The following TBC1D5 variants were observed in gnomAD, a reference collection of about 807,000 sequenced individuals.
TBC1D5 encodes TBC1 domain family, member 5.
A neutral mutation model predicts 100.3 loss-of-function variants in TBC1D5; 75 were observed. The observed-to-expected ratio is 0.75, with a 90% CI of 0.62 to 0.91. The LOEUF is 0.91. Ranked by LOEUF, TBC1D5 falls within the 40% of genes least tolerant of loss-of-function variation. The pLI is 0.00. For synonymous variants in TBC1D5, 323 were observed against 325.6 expected, an observed-to-expected ratio of 0.99 and a Z score of 0.09; for missense variants, 910 against 942.4, an observed-to-expected ratio of 0.97 and a Z score of 0.45.
intron 2 of TBC1D5, among the ~76,000 whole-genome samples, chr3:17,589,520 C>G (rs1238696921): frequency 6.6e-6 from 1 of 152,184 alleles, no homozygotes; most frequent in Admixed American, 6.5e-5. Flanking sequence ...TCTCCCTGCA[C>G]AAGATCTTGA....
At chr3:17,351,355 A>G (rs1299383448) in intron 13 of TBC1D5, among the ~76,000 whole-genome samples, 1 of 152,146 alleles carries the variant, frequency 6.6e-6, no homozygotes, top group Non-Finnish European at 1.5e-5. Flanking sequence ...GTTAGACTGG[A>G]TAAGGAAATG....
intron 19 of TBC1D5, among the ~76,000 whole-genome samples, chr3:17,170,703 G>A (rs2067091012): frequency 6.6e-6 from 1 of 152,102 alleles, no homozygotes; most frequent in East Asian, 1.9e-4. Context: ...ACCCAGAAAT[G>A]TACAGGAACA....
At chr3:17,295,635 CACTT>C (rs2082173154) in intron 14 of TBC1D5, among the ~76,000 whole-genome samples, 1 of 152,216 alleles carries the variant, frequency 6.6e-6, no homozygotes, top group Non-Finnish European at 1.5e-5. Context: ...AAACTAACCA[CACTT>C]ACAATTGTAA....
At chr3:17,693,453 C>A (rs2071482237) in intron 1 of TBC1D5, among the ~76,000 whole-genome samples, 1 of 152,204 alleles carries the variant, frequency 6.6e-6, no homozygotes, top group African/African-American at 2.4e-5. Flanking sequence ...CTCGGTGGTT[C>A]CCACACCCAC....
chr3:17,404,302 T>G (rs1191770697), intron 7 of TBC1D5, among the ~76,000 whole-genome samples: 2 of 152,048 alleles, frequency 1.3e-5, no homozygotes, highest in African/African-American at 4.8e-5. Context: ...TACAAAGGGT[T>G]ACTTCTTTCT....
chr3:17,721,274 T>G (rs1013114286), intron 1 of TBC1D5, among the ~76,000 whole-genome samples: 1 of 152,224 alleles, frequency 6.6e-6, no homozygotes, highest in Non-Finnish European at 1.5e-5. Flanking sequence ...AGTTCTCTGA[T>G]GGCTGTTATC....
At chr3:17,225,404 A>T (rs1576102501) in intron 17 of TBC1D5, among the ~76,000 whole-genome samples, 2 of 144,912 alleles carry the variant, frequency 1.4e-5, no homozygotes, top group South Asian at 2.2e-4. Context: ...GCATCACTGC[A>T]CTCCAGTCTG....
At chr3:17,299,531 T>A (rs1420902546) in intron 14 of TBC1D5, among the ~76,000 whole-genome samples, 1 of 152,106 alleles carries the variant, frequency 6.6e-6, no homozygotes, top group African/African-American at 2.4e-5. Context: ...TGGGCAATAA[T>A]GCTGTATCAA....
chr3:17,495,800 T>C (rs1368617815), intron 3 of TBC1D5, among the ~76,000 whole-genome samples: 1 of 152,236 alleles, frequency 6.6e-6, no homozygotes, highest in East Asian at 1.9e-4. Flanking sequence ...TTTAAAATTC[T>C]GCACCATTAC....
At chr3:17,721,334 T>C (rs915488631) in intron 1 of TBC1D5, among the ~76,000 whole-genome samples, 1 of 152,198 alleles carries the variant, frequency 6.6e-6, no homozygotes, top group South Asian at 2.1e-4. Flanking sequence ...AAAAGTGTAA[T>C]GTCAAGTACA....
chr3:17,176,875 AG>A (rs1409098932), intron 19 of TBC1D5, among the ~76,000 whole-genome samples: 1 of 152,170 alleles, frequency 6.6e-6, no homozygotes, highest in East Asian at 1.9e-4. Context: ...CTGAATTAGA[AG>A]AATAAAGACA....
intron 3 of TBC1D5, among the ~76,000 whole-genome samples, chr3:17,481,844 G>A (rs373774895): frequency 2.6e-5 from 4 of 152,142 alleles, no homozygotes; most frequent in African/African-American, 9.7e-5. Context: ...AGGTTCAAGC[G>A]ATTCTCCTGC....
chr3:17,199,370 T>G (rs1399001219), intron 18 of TBC1D5, among the ~76,000 whole-genome samples: 1 of 152,234 alleles, frequency 6.6e-6, no homozygotes, highest in Non-Finnish European at 1.5e-5. Context: ...GAGATGAATT[T>G]AAGATTTCCA....
intron 1 of TBC1D5, among the ~76,000 whole-genome samples, chr3:17,658,206 C>T (rs762164183): frequency 2.4e-4 from 37 of 152,204 alleles, no homozygotes; most frequent in Non-Finnish European, 4.9e-4. Flanking sequence ...ATCTCAAAAC[C>T]TGTTCCCATC....
At chr3:17,251,220 C>G (rs1304482101) in intron 16 of TBC1D5, among the ~76,000 whole-genome samples, 2 of 152,074 alleles carry the variant, frequency 1.3e-5, no homozygotes, top group Admixed American at 1.3e-4. Flanking sequence ...AAAAAAAAAC[C>G]ACTGTAGCTG....
intron 13 of TBC1D5, among the ~76,000 whole-genome samples, chr3:17,370,023 G>T (rs560661173): frequency 2.6e-5 from 4 of 152,204 alleles, no homozygotes; most frequent in Admixed American, 2.0e-4. Flanking sequence ...GAATAATTAT[G>T]TCATGGATCA....
chr3:17,590,096 C>T (rs1299666642), intron 2 of TBC1D5, among the ~76,000 whole-genome samples: 1 of 152,300 alleles, frequency 6.6e-6, no homozygotes, highest in South Asian at 2.1e-4. Context: ...AGACCTATAA[C>T]TAGACTAAAG....
intron 4 of TBC1D5, among the ~76,000 whole-genome samples, chr3:17,415,816 A>C (rs992107400): frequency 9.9e-5 from 15 of 152,072 alleles, no homozygotes; most frequent in Non-Finnish European, 2.1e-4. Flanking sequence ...TAAGGAAAAA[A>C]TCCTCTCCCT....
At chr3:17,275,265 G>T (rs565919053) in intron 15 of TBC1D5, among the ~76,000 whole-genome samples, 1 of 152,274 alleles carries the variant, frequency 6.6e-6, no homozygotes, top group African/African-American at 2.4e-5. Flanking sequence ...GGGTGGGCTG[G>T]GTATGGTGGT....
Sources: allele counts gnomAD v4.1 joint callset (sites outside exome capture counted in the v4.1 genomes callset), GRCh38; gene constraint gnomAD v4.1.1; transcripts MANE v1.5; gene names NCBI Gene and HGNC (gene_info 2026-07-23, HGNC 2026-07-21).